TNIP3: variants seen among roughly 807,000 people sequenced by gnomAD.
TNIP3 encodes the protein TNFAIP3 interacting protein 3, also known as TNFAIP3-interacting protein 3.
A neutral mutation model predicts 54.1 loss-of-function variants in TNIP3; 34 were observed. That is an observed-to-expected ratio of 0.63 (90% CI 0.48 to 0.84). The LOEUF (loss-of-function observed/expected upper bound fraction) is 0.84, where lower values mean the gene tolerates loss of function less well. Ranked by LOEUF, TNIP3 falls within the 40% of genes least tolerant of loss-of-function variation. The pLI, the probability that TNIP3 is intolerant of heterozygous loss-of-function variation, is 0.00. For synonymous variants in TNIP3, 134 were observed against 136.8 expected (o/e 0.98, Z 0.14); for missense variants, 366 against 387.6 (o/e 0.94, Z 0.47).
chr4:121,138,613 T>C lies in TNIP3; in HGVS notation c.946+11A>G, dbSNP rs371689001. ...AACATGAAAGAATGCTCAATACAGC[T>C]GTGGTCTCACCATTTGCCTTGTGTT... On this transcript the variant is annotated intron_variant, in intron 10 of 10. Coordinates refer to ENST00000057513, the MANE Select transcript of TNIP3 (RefSeq NM_024873.6). 1 of 1,612,556 alleles carries C rather than the reference T, an allele frequency of 6.2e-7. No individual in the cohort carries two copies.
intron 2 of TNIP3, among the ~76,000 whole-genome samples, chr4:121,213,086 A>G (rs1003939902): frequency 1.3e-5 from 2 of 152,190 alleles, no homozygotes; most frequent in Non-Finnish European, 2.9e-5. Flanking sequence ...AAAAAAGACA[A>G]AAGTATTGTT....
intron 3 of TNIP3, among the ~76,000 whole-genome samples, chr4:121,158,020 T>C (rs569592187): frequency 6.6e-6 from 1 of 152,364 alleles, no homozygotes; most frequent in Admixed American, 6.5e-5. Flanking sequence ...AAAATGCTGC[T>C]ATATTACAAT....
At chr4:121,214,838 C>T (rs772310656) in intron 2 of TNIP3, among the ~76,000 whole-genome samples, 90 of 152,238 alleles carry the variant, frequency 5.9e-4, no homozygotes, top group Non-Finnish European at 1.1e-3. Flanking sequence ...GTATATAAAA[C>T]AGATCAATGC....
intron 1 of TNIP3, among the ~76,000 whole-genome samples, chr4:121,222,905 A>C (rs2148854357): frequency 7.0e-6 from 1 of 143,718 alleles, no homozygotes; most frequent in South Asian, 2.2e-4. Context: ...TCCCAGGTTC[A>C]CGCTATTCTC....
chr4:121,132,837 T>C (rs1049322547), intron 10 of TNIP3, among the ~76,000 whole-genome samples, 175 bp from the exon 11 acceptor site: 6 of 152,170 alleles, frequency 3.9e-5, no homozygotes, highest in African/African-American at 1.4e-4. Flanking sequence ...GATGGAGGGT[T>C]ATTATTTTAA....
chr4:121,179,367 T>G lies in TNIP3; in HGVS notation c.189+3309A>C, dbSNP rs147587106. On this transcript the variant is annotated intron_variant, in intron 3 of 12. Coordinates refer to the TNIP3 transcript ENST00000507879. The stretch of plus-strand genomic sequence containing the variant: ...TGGATAAAAGACAGTCATATTTAAG[T>G]GTTGTTGTAGGTAGAAAACAAAATA... Among the ~76,000 whole-genome samples, 654 of 152,340 alleles carry G rather than the reference T, an allele frequency of 4.3e-3. 6 individuals are homozygous for G. The highest frequency in any genetic ancestry group is 0.015 in the African/African-American group (626 of 41,568).
At chr4:121,193,358 G>A (rs1014444857) in intron 2 of TNIP3, among the ~76,000 whole-genome samples, 1 of 152,002 alleles carries the variant, frequency 6.6e-6, no homozygotes, top group Non-Finnish European at 1.5e-5. Flanking sequence ...GATCCAATAT[G>A]GCATACTTTC....
At chr4:121,146,826 T>C (rs1579383819) in intron 7 of TNIP3, among the ~76,000 whole-genome samples, 1 of 152,184 alleles carries the variant, frequency 6.6e-6, no homozygotes, top group Non-Finnish European at 1.5e-5. Flanking sequence ...AAAAAAACTT[T>C]GGAATGCAAT....
chr4:121,226,484 G>A (rs1727263322), intron 1 of TNIP3, among the ~76,000 whole-genome samples: 1 of 152,216 alleles, frequency 6.6e-6, no homozygotes, highest in Admixed American at 6.5e-5. Flanking sequence ...CTTCCACTGT[G>A]GGGACAGGTC....
intron 6 of TNIP3, among the ~76,000 whole-genome samples, chr4:121,148,310 AAGTC>A (rs967274410): frequency 1.3e-5 from 2 of 152,224 alleles, no homozygotes; most frequent in African/African-American, 4.8e-5. Flanking sequence ...TTTATGGAGA[AAGTC>A]AGCAGTAGAG....
chr4:121,216,489 T>C (rs1188068325), exon 2 of TNIP3: 1 of 1,535,624 alleles, frequency 6.5e-7, no homozygotes, highest in South Asian at 1.2e-5. Flanking sequence ...TCATGAGCCA[T>C]CCACATGGAA....
intron 1 of TNIP3, among the ~76,000 whole-genome samples, chr4:121,221,956 G>C (rs1727044852): frequency 6.6e-6 from 1 of 152,144 alleles, no homozygotes; most frequent in African/African-American, 2.4e-5. Context: ...ATCTAAAAAA[G>C]TTCCTGAACC....
rs535933902 is a variant in TNIP3, at chr4:121,222,867, G to T, written c.3+4518C>A. On this transcript the variant is annotated intron_variant, in intron 1 of 12. Coordinates refer to the TNIP3 transcript ENST00000509841. ...GTCACCCAGGCTAGAGTGCAGTGGC[G>T]CGATCTTGGCTCACTGCAAGCTCCG... Among the ~76,000 whole-genome samples the T allele has an allele frequency of 1.2e-4, 17 of 146,888 alleles. No homozygotes were observed. The South Asian group carries it at 3.2e-3, about 28-fold the overall frequency.
Position 121,172,175 on chromosome 4 carries a change from C to T in TNIP3, c.190-8029G>A, listed in dbSNP as rs528571080. 7.3e-4 allele frequency among the ~76,000 whole-genome samples: 111 copies of T among 152,338 alleles called. 3 individuals are homozygous for T. The highest frequency in any genetic ancestry group is 5.8e-3 in the South Asian group (28 of 4,826). On this transcript the variant is annotated intron_variant, in intron 3 of 12. Transcript: ENST00000507879. ...CCTTGAAGAGAATTTCTCCACACCA[C>T]CATGGTACACGGCTGTGACATGCAT...
intron 1 of TNIP3, among the ~76,000 whole-genome samples, chr4:121,162,362 C>T (rs1730504616): frequency 6.6e-6 from 1 of 152,146 alleles, no homozygotes; most frequent in South Asian, 2.1e-4. Context: ...ACAATTAAGA[C>T]CACATTTAAA....
At chr4:121,222,357 G>A (rs1220699007) in intron 1 of TNIP3, among the ~76,000 whole-genome samples, 2 of 152,022 alleles carry the variant, frequency 1.3e-5, no homozygotes, top group South Asian at 2.1e-4. Context: ...TTACAAATTC[G>A]CTTTTTCAAA....
chr4:121,227,385 C>T (rs1439696413), exon 1 of TNIP3: 19 of 1,535,302 alleles, frequency 1.2e-5, no homozygotes, highest in Non-Finnish European at 1.6e-5. Flanking sequence ...TGTTACTCAC[C>T]ATGTTCTATC....
intron 3 of TNIP3, among the ~76,000 whole-genome samples, chr4:121,171,476 G>A (rs963182818): frequency 6.6e-6 from 1 of 152,104 alleles, no homozygotes; most frequent in Non-Finnish European, 1.5e-5. Context: ...TTTCCTACAT[G>A]TTTGAAATGT....
intron 9 of TNIP3, among the ~76,000 whole-genome samples, chr4:121,139,081 G>GA (rs1314627502): frequency 6.6e-6 from 1 of 152,040 alleles, no homozygotes; most frequent in Non-Finnish European, 1.5e-5. Flanking sequence ...AGAAGGCCAG[G>GA]AAAAAAAGTT....
Sources: gnomAD v4.1 joint callset for allele counts (sites outside exome capture counted in the v4.1 genomes callset) on GRCh38, gnomAD v4.1.1 for gene constraint, MANE v1.5 for transcripts, NCBI Gene and HGNC (gene_info 2026-07-23, HGNC 2026-07-21) for gene names.